The following TGFA variants were observed in gnomAD, a reference collection of about 807,000 sequenced individuals.
TGFA encodes the protein transforming growth factor alpha, also known as protransforming growth factor alpha.
TGFA carries 12 observed loss-of-function variants against 21.7 expected under a neutral mutation model. The observed-to-expected ratio is 0.55, with a 90% CI of 0.35 to 0.90. The LOEUF (loss-of-function observed/expected upper bound fraction) is 0.90. Ranked by LOEUF, TGFA falls within the 40% of genes least tolerant of loss-of-function variation. The pLI is 0.01. For synonymous variants in TGFA, 79 were observed against 88.1 expected, an observed-to-expected ratio of 0.90 and a Z score of 0.58; for missense variants, 178 against 210.8, an observed-to-expected ratio of 0.84 and a Z score of 0.96.
intron 1 of TGFA, among the ~76,000 whole-genome samples, chr2:70,515,892 G>T (rs963337113): frequency 6.6e-6 from 1 of 152,124 alleles, no homozygotes; most frequent in African/African-American, 2.4e-5. Context: ...CCTACAAGAC[G>T]CAAATTTAAA....
chr2:70,498,072 A>T (rs1419729956), intron 2 of TGFA, among the ~76,000 whole-genome samples: 1 of 152,274 alleles, frequency 6.6e-6, no homozygotes, highest in Non-Finnish European at 1.5e-5. Flanking sequence ...TAACAGTAGC[A>T]TTCCAAGAGC....
chr2:70,492,877 A>G (rs1671474881), intron 2 of TGFA, among the ~76,000 whole-genome samples: 1 of 152,226 alleles, frequency 6.6e-6, no homozygotes, highest in South Asian at 2.1e-4. Flanking sequence ...TGATTAAAAA[A>G]AACTTTACAT....
intron 1 of TGFA, among the ~76,000 whole-genome samples, chr2:70,519,803 T>G (rs1395746177): frequency 6.6e-6 from 1 of 152,254 alleles, no homozygotes; most frequent in Non-Finnish European, 1.5e-5. Context: ...GAATGAATCT[T>G]CAGGATCAGG....
intron 1 of TGFA, among the ~76,000 whole-genome samples, chr2:70,519,752 C>A (rs1200770215): frequency 2.6e-5 from 4 of 152,240 alleles, no homozygotes; most frequent in Admixed American, 6.5e-5. Flanking sequence ...TTTCCATATC[C>A]ATCTAAACAT....
intron 4 of TGFA, 84 bp from the exon 5 acceptor site, chr2:70,453,411 G>A (rs1553489996): frequency 1.6e-6 from 2 of 1,261,950 alleles, no homozygotes; most frequent in Admixed American, 1.9e-5. Flanking sequence ...GGGGCCTGCT[G>A]GGCAGCTCCA....
chr2:70,484,978 C>A (rs1433353565), intron 2 of TGFA, among the ~76,000 whole-genome samples: 2 of 152,222 alleles, frequency 1.3e-5, no homozygotes, highest in East Asian at 1.9e-4. Context: ...CCCACAGGAT[C>A]ATGGAATCAC....
chr2:70,462,760 C>A (rs1283158165), intron 3 of TGFA, among the ~76,000 whole-genome samples: 4 of 152,110 alleles, frequency 2.6e-5, no homozygotes, highest in African/African-American at 9.7e-5. Context: ...TGTCCCTGGG[C>A]CATCAAGATC....
intron 1 of TGFA, among the ~76,000 whole-genome samples, chr2:70,520,712 C>T (rs1234311812): frequency 6.6e-6 from 1 of 152,024 alleles, no homozygotes; most frequent in Non-Finnish European, 1.5e-5. Flanking sequence ...CAAGTGTAGG[C>T]TGTTGAAGTT....
chr2:70,476,111 A>AAT (rs1670927132), intron 2 of TGFA, among the ~76,000 whole-genome samples: 1 of 148,612 alleles, frequency 6.7e-6, no homozygotes, highest in African/African-American at 2.5e-5. Flanking sequence ...AAAAAAATTA[A>AAT]GAAAATTACA....
At chr2:70,535,103 G>A (rs555413507) in intron 1 of TGFA, among the ~76,000 whole-genome samples, 5 of 152,226 alleles carry the variant, frequency 3.3e-5, no homozygotes, top group Admixed American at 2.0e-4. Context: ...TGGGTTAAAG[G>A]AGTTTGTACA....
rs558745064 is a variant in TGFA, at chr2:70,538,136, T to C, written c.40+15592A>G. On this transcript the variant is annotated intron_variant, in intron 1 of 5. Transcript: ENST00000295400. The stretch of plus-strand genomic sequence containing the variant: ...GCATATCTGTTTACAGTATGGTTTA[T>C]GGAATATTTTAAGCCCACTGTTGAG... Among the ~76,000 whole-genome samples the C allele has an allele frequency of 3.3e-5, 5 of 152,302 alleles. No individual in the cohort carries two copies. The East Asian group carries it at 9.6e-4, about 29-fold the overall frequency.
chr2:70,507,945 T>C (rs1553500416), intron 2 of TGFA, among the ~76,000 whole-genome samples: 1 of 152,250 alleles, frequency 6.6e-6, no homozygotes, highest in African/African-American at 2.4e-5. Flanking sequence ...AGTTAGGCTA[T>C]ATATTTACCA....
chr2:70,451,455 A>G (rs1553489605), intron 5 of TGFA, among the ~76,000 whole-genome samples: 1 of 152,166 alleles, frequency 6.6e-6, no homozygotes, highest in African/African-American at 2.4e-5. Flanking sequence ...TAGGCCCAGC[A>G]GGCCTGACAG....
At chr2:70,489,292 A>G (rs530141292) in intron 2 of TGFA, among the ~76,000 whole-genome samples, 2 of 152,320 alleles carry the variant, frequency 1.3e-5, no homozygotes, top group Admixed American at 6.5e-5. Flanking sequence ...GCTTCGCTCA[A>G]CCTGGAGTTT....
intron 2 of TGFA, among the ~76,000 whole-genome samples, chr2:70,514,644 C>G (rs1672211499): frequency 1.3e-5 from 2 of 152,058 alleles, no homozygotes; most frequent in Non-Finnish European, 2.9e-5. Context: ...GTAGGGGAGG[C>G]CCCTGAGGGG....
At chr2:70,488,027 CTTATG>C (rs1425191429) in intron 2 of TGFA, among the ~76,000 whole-genome samples, 4 of 152,152 alleles carry the variant, frequency 2.6e-5, no homozygotes, top group African/African-American at 9.7e-5. Flanking sequence ...ATAAGAATCT[CTTATG>C]TTAACTGCAT....
intron 1 of TGFA, among the ~76,000 whole-genome samples, chr2:70,542,898 T>C (rs1038364584): frequency 6.6e-6 from 1 of 152,066 alleles, no homozygotes; most frequent in Admixed American, 6.5e-5. Flanking sequence ...AGGTCAGGAG[T>C]TCGAGACCAG....
chr2:70,451,616 C>T, intron 5 of TGFA: 1 of 613,326 alleles, frequency 1.6e-6, no homozygotes, highest in African/African-American at 1.8e-5. Context: ...ACTTACTCCA[C>T]CCCAAATGAC....
At chr2:70,504,483 T>G (rs6711161) in intron 2 of TGFA, among the ~76,000 whole-genome samples, 3 of 92,072 alleles carry the variant, frequency 3.3e-5, no homozygotes, top group East Asian at 3.0e-4. Context: ...CATACATACA[T>G]ACACACACAC....
Sources: gnomAD v4.1 joint callset for allele counts (sites outside exome capture counted in the v4.1 genomes callset) on GRCh38, gnomAD v4.1.1 for gene constraint, MANE v1.5 for transcripts, NCBI Gene and HGNC (gene_info 2026-07-23, HGNC 2026-07-21) for gene names.